The following SYMPK variants were observed in gnomAD, a reference collection of about 807,000 sequenced individuals.
SYMPK encodes the protein symplekin.
In SYMPK, 49 loss-of-function variants were observed where a neutral mutation model predicts 136.4. The observed-to-expected ratio is 0.36, with a 90% CI of 0.29 to 0.46. The LOEUF (loss-of-function observed/expected upper bound fraction) is 0.46, where lower values mean the gene tolerates loss of function less well. Ranked by LOEUF, SYMPK falls within the 20% of genes least tolerant of loss-of-function variation. The pLI, the probability that SYMPK is intolerant of heterozygous loss-of-function variation, is 1.00. For missense variants in SYMPK, 1,365 were observed against 1,690.0 expected (o/e 0.81, Z 3.37); for synonymous variants, 766 against 713.0 (o/e 1.07, Z -1.19).
intron 10 of SYMPK, among the ~76,000 whole-genome samples, chr19:45,836,370 C>A (rs1971299687): frequency 6.6e-6 from 1 of 152,110 alleles, no homozygotes; most frequent in Non-Finnish European, 1.5e-5. Context: ...GTGGCTCATG[C>A]CTGTAATCAT....
intron 8 of SYMPK, 97 bp from the exon 9 acceptor site, chr19:45,842,586 G>T (rs554592896): frequency 6.5e-7 from 1 of 1,528,882 alleles, no homozygotes; most frequent in South Asian, 1.2e-5. Flanking sequence ...TGGTCTTGCA[G>T]GCATCTACTA....
chr19:45,854,565 G>A, intron 1 of SYMPK, 58 bp from the exon 2 acceptor site: 1 of 1,436,052 alleles, frequency 7.0e-7, no homozygotes, highest in South Asian at 1.2e-5. Flanking sequence ...GATGGGCTGG[G>A]CTGGATTGTC....
In SYMPK at chr19:45,835,304, C is replaced by T. The variant is rs138729705; in HGVS notation, c.1243-76G>A. The stretch of plus-strand genomic sequence containing the variant: ...CATTCTTTCCATGCCCATGCCAATA[C>T]TGGGGAAATGGCAGTGCCTAAGACC... On this transcript the variant is annotated intron_variant, in intron 10 of 26. Coordinates refer to ENST00000245934, the MANE Select transcript of SYMPK (RefSeq NM_004819.3). 6.4e-4 allele frequency: 928 copies of T among 1,448,470 alleles called. 7 individuals are homozygous for T. In the African/African-American group the frequency reaches 0.011, roughly 16 times the overall value. 89.7% of individuals were successfully genotyped at this position (1,448,470 alleles called of 1,614,324 possible). A position where few individuals can be genotyped will look rare whatever the true frequency, so the allele number is the denominator to read the frequency against.
intron 9 of SYMPK, among the ~76,000 whole-genome samples, chr19:45,840,139 C>T (rs1971400106): frequency 6.6e-6 from 1 of 151,192 alleles, no homozygotes; most frequent in South Asian, 2.1e-4. Flanking sequence ...ATGGTGAAAC[C>T]CTGGCTCTAC....
chr19:45,817,417 C>CTTTTTTTTTTTTTTTTTT (rs559430104), intron 23 of SYMPK, among the ~76,000 whole-genome samples: 6 of 108,480 alleles, frequency 5.5e-5, no homozygotes, highest in African/African-American at 1.4e-4. Flanking sequence ...TTTTTGTTCT[C>CTTTTTTTTTTTTTTTTTT]TTTTTTTTTT....
chr19:45,826,116 C>T (rs1388290057), intron 17 of SYMPK, 110 bp downstream of exon 17: 7 of 1,474,242 alleles, frequency 4.7e-6, no homozygotes, highest in Non-Finnish European at 6.4e-6. Flanking sequence ...CAGTCCTGCC[C>T]ATTCCCGTCA....
At chr19:45,843,396 T>C (rs1269544184) in intron 8 of SYMPK, among the ~76,000 whole-genome samples, 6 of 152,034 alleles carry the variant, frequency 3.9e-5, no homozygotes, top group Non-Finnish European at 7.4e-5. Context: ...ATGGTATGAG[T>C]CTCTGTGTAC....
At position 45,856,697 on chromosome 19, in the gene SYMPK, G is replaced by C. The variant is rs143392466; in HGVS notation, c.-12-2190C>G. Among the ~76,000 whole-genome samples the C allele has an allele frequency of 5.1e-3, 777 of 152,214 alleles. 16 individuals are homozygous for C. Among genetic ancestry groups the C allele is most frequent in the Non-Finnish European group, 4.7e-3 (323 of 68,002 alleles). ...ATTAATAATAATTTGGCCAGCTCAC[G>C]CCTGTAATCCCAGGATTTTGGGAGG... On this transcript the variant is annotated intron_variant, in intron 1 of 26. Coordinates refer to ENST00000245934, the MANE Select transcript of SYMPK (RefSeq NM_004819.3).
At chr19:45,851,199 T>C (rs1600527916) in intron 5 of SYMPK, among the ~76,000 whole-genome samples, 1 of 152,114 alleles carries the variant, frequency 6.6e-6, no homozygotes, top group African/African-American at 2.4e-5. Flanking sequence ...GGGAAATGAG[T>C]GCGGTGATTC....
At chr19:45,846,027 G>A (rs1305576038) in intron 7 of SYMPK, among the ~76,000 whole-genome samples, 4 of 152,194 alleles carry the variant, frequency 2.6e-5, no homozygotes, top group African/African-American at 7.2e-5. Context: ...ACGAGGTCAG[G>A]AGATCAAGAC....
In SYMPK at chr19:45,852,400, G is replaced by C; in HGVS notation, c.226-15C>G. The stretch of plus-strand genomic sequence containing the variant: ...GCGATGATCTCCTGCCAATGTTAGA[G>C]AGAAAGTGGATCAGGGCTACACAAG... On this transcript the variant is annotated splice_polypyrimidine_tract_variant and intron_variant, in intron 4 of 26. Coordinates refer to ENST00000245934, the MANE Select transcript of SYMPK (RefSeq NM_004819.3). 6.2e-7 allele frequency: 1 copy of C among 1,614,204 alleles called. No homozygotes were observed. Among genetic ancestry groups the C allele is most frequent in the Non-Finnish European group, 8.5e-7 (1 of 1,180,038 alleles).
chr19:45,837,771 G>A (rs1423882037), intron 10 of SYMPK, among the ~76,000 whole-genome samples: 2 of 152,094 alleles, frequency 1.3e-5, no homozygotes, highest in Non-Finnish European at 1.5e-5. Flanking sequence ...CTGGCCCAGG[G>A]TAAGTGCTAC....
At chr19:45,858,752 T>C (rs1197284037) in intron 1 of SYMPK, among the ~76,000 whole-genome samples, 3 of 152,134 alleles carry the variant, frequency 2.0e-5, no homozygotes, top group Admixed American at 6.5e-5. Context: ...CGACCTCAGG[T>C]GATTCGCCCG....
chr19:45,816,180 C>T lies in SYMPK; in HGVS notation c.3358G>A (p.Asp1120Asn). The T allele has an allele frequency of 6.5e-7, 1 of 1,528,534 alleles. No homozygotes were observed. The highest frequency in any genetic ancestry group is 8.8e-7 in the Non-Finnish European group (1 of 1,135,356). 94.7% of individuals were successfully genotyped at this position (1,528,534 alleles called of 1,614,324 possible). The part of the protein sequence containing the change: ...EAPAGPLEED[D>N]LEPLTLAPAP... The stretch of plus-strand genomic sequence containing the variant: ...GGGGCCAAGGTCAGGGGCTCCAGAT[C>T]ATCCTGGGGATAGGGAGGGCCACAC... Residue 1120 changes from aspartate (D) to asparagine (N), a missense_variant, in exon 26 of 27, where the codon GAT becomes AAT. Asp to Asn is a conservative substitution (Grantham distance 23). Coordinates refer to ENST00000245934, the MANE Select transcript of SYMPK (RefSeq NM_004819.3).
chr19:45,832,356 G>A (rs182159970), intron 11 of SYMPK, among the ~76,000 whole-genome samples: 1 of 150,478 alleles, frequency 6.6e-6, no homozygotes, highest in African/African-American at 2.4e-5. Context: ...TGGCCAGGCT[G>A]GTCTTGAACT....
intron 8 of SYMPK, 35 bp from the exon 9 acceptor site, chr19:45,842,524 A>C: frequency 1.9e-6 from 3 of 1,598,682 alleles, no homozygotes; most frequent in South Asian, 1.1e-5. Context: ...TGTCTTGTGG[A>C]AGATCTCATG....
At chr19:45,841,643 GA>G (rs1053274020) in intron 9 of SYMPK, among the ~76,000 whole-genome samples, 5 of 151,768 alleles carry the variant, frequency 3.3e-5, no homozygotes, top group African/African-American at 9.7e-5. Flanking sequence ...AAATGCTCTA[GA>G]AAAAAAGTGT....
intron 16 of SYMPK, 152 bp downstream of exon 16, chr19:45,827,358 A>AAACC (rs5828252): frequency 9.4e-6 from 6 of 635,120 alleles, no homozygotes; most frequent in Non-Finnish European, 1.4e-5. Context: ...AAAATAAAAC[A>AAACC]GACAGAAATA....
At chr19:45,842,541 T>G (rs776510338) in intron 8 of SYMPK, 52 bp from the exon 9 acceptor site, 8 of 1,590,316 alleles carry the variant, frequency 5.0e-6, no homozygotes, top group Middle Eastern at 2.2e-4. Context: ...CATGGCATGC[T>G]GCCAGTCTTA....
Sources: gnomAD v4.1 joint callset for allele counts (sites outside exome capture counted in the v4.1 genomes callset) on GRCh38, gnomAD v4.1.1 for gene constraint, MANE v1.5 for transcripts, NCBI Gene and HGNC (gene_info 2026-07-23, HGNC 2026-07-21) for gene names.